GPATCH8: variants seen among roughly 807,000 people sequenced by gnomAD.
GPATCH8 encodes G-patch domain containing 8, also known as G patch domain-containing protein 8.
GPATCH8 carries 18 observed loss-of-function variants against 118.3 expected under a neutral mutation model. That is an observed-to-expected ratio of 0.15 (90% CI 0.11 to 0.23). The LOEUF (loss-of-function observed/expected upper bound fraction) is 0.23. GPATCH8 is among the 10% of genes least tolerant of loss of function. The pLI, the probability that GPATCH8 is intolerant of heterozygous loss-of-function variation, is 1.00. For synonymous variants in GPATCH8, 659 were observed against 684.7 expected (o/e 0.96, Z 0.59); for missense variants, 1,631 against 1,873.8 (o/e 0.87, Z 2.39).
chr17:44,498,193 A>G (rs1386917377), intron 1 of GPATCH8, among the ~76,000 whole-genome samples: 2 of 152,178 alleles, frequency 1.3e-5, no homozygotes, highest in East Asian at 1.9e-4. Context: ...ACTGTGTTAC[A>G]TGTATAGAAG....
intron 2 of GPATCH8, among the ~76,000 whole-genome samples, chr17:44,466,202 T>C (rs2051756704): frequency 6.6e-6 from 1 of 151,324 alleles, no homozygotes; most frequent in Non-Finnish European, 1.5e-5. Flanking sequence ...GAGATGAGGT[T>C]TCACTATGTT....
At position 44,396,712 on chromosome 17, in the gene GPATCH8, C is replaced by G. The variant is rs145310816; in HGVS notation, c.*856G>C. On this transcript the variant is annotated 3_prime_UTR_variant, in exon 8 of 8. Coordinates refer to ENST00000591680, the MANE Select transcript of GPATCH8 (RefSeq NM_001002909.4). The stretch of plus-strand genomic sequence containing the variant: ...ATTGCAGTATACTACAAATATGGAA[C>G]CTTTTTTATATGAGCTACAAAAAGC... 3 of 445,468 alleles carry G rather than the reference C, an allele frequency of 6.7e-6. No homozygotes were observed. Among genetic ancestry groups the G allele is most frequent in the Non-Finnish European group, 1.3e-5 (3 of 224,532 alleles). The allele number at this position is 445,468 out of a possible 1,614,324, so 27.6% of individuals were successfully genotyped here. A position where few individuals can be genotyped will look rare whatever the true frequency, so the allele number is the denominator to read the frequency against.
chr17:44,464,674 AG>A, intron 2 of GPATCH8, 130 bp from the exon 3 acceptor site: 1 of 734,276 alleles, frequency 1.4e-6, no homozygotes, highest in South Asian at 1.4e-5. Context: ...TGCTAATAAT[AG>A]GGTAAATGTG....
chr17:44,397,493 T>C lies in GPATCH8; in HGVS notation c.*75A>G. 1 of 1,020,586 alleles carries C rather than the reference T, an allele frequency of 9.8e-7. No individual in the cohort carries two copies. The highest frequency in any genetic ancestry group is 1.6e-6 in the Non-Finnish European group (1 of 644,480). 63.2% of individuals were successfully genotyped at this position (1,020,586 alleles called of 1,614,324 possible). A position where few individuals can be genotyped will look rare whatever the true frequency, so the allele number is the denominator to read the frequency against. On this transcript the variant is annotated 3_prime_UTR_variant, in exon 8 of 8. Coordinates refer to ENST00000591680, the MANE Select transcript of GPATCH8 (RefSeq NM_001002909.4). ...CCATCCCAGCTTCTACTTGCTGGTATTAATGGCTCAACACCCCCAAGGGAA... is the reference window on the plus strand; with the variant it reads ...CCATCCCAGCTTCTACTTGCTGGTACTAATGGCTCAACACCCCCAAGGGAA...
chr17:44,483,529 G>A (rs893227576), intron 1 of GPATCH8, among the ~76,000 whole-genome samples: 18 of 151,618 alleles, frequency 1.2e-4, no homozygotes, highest in Admixed American at 3.9e-4. Context: ...GATTACAGGC[G>A]TGAGCCACCG....
chr17:44,444,254 T>TA (rs11373151), intron 3 of GPATCH8, among the ~76,000 whole-genome samples: 144,429 of 145,496 alleles, frequency 0.99, 71,685 homozygotes, highest in South Asian at 1. Context: ...TACTTTCAAT[T>TA]AAAAAAAAAA....
At position 44,496,902 on chromosome 17, in the gene GPATCH8, C is replaced by T. The variant is rs116378756; in HGVS notation, c.45+6424G>A. Among the ~76,000 whole-genome samples the T allele has an allele frequency of 1.0e-3, 156 of 152,244 alleles. 1 individual carries two copies. Among genetic ancestry groups the T allele is most frequent in the African/African-American group, 3.6e-3 (150 of 41,548 alleles). Reference sequence around the variant, plus strand: ...CATTAAGCACATTTGCTTAGACCTCCAGAGTTAAATGGACAATTCACTTTT... The same window carrying T: ...CATTAAGCACATTTGCTTAGACCTCTAGAGTTAAATGGACAATTCACTTTT... On this transcript the variant is annotated intron_variant, in intron 1 of 7. Coordinates refer to ENST00000591680, the MANE Select transcript of GPATCH8 (RefSeq NM_001002909.4).
Position 44,398,240 on chromosome 17 carries a change from G to C in GPATCH8, c.3837C>G (p.Phe1279Leu), listed in dbSNP as rs775225111. ...LLPIAPDLEHFPSYAPPSGDP... is the reference protein window; with the variant it reads ...LLPIAPDLEHLPSYAPPSGDP... ...CCCCACTGGGAGGTGCATAACTGGG[G>C]AAATGCTCAAGGTCTGGTGCTATAG... is the stretch of plus-strand genomic sequence containing the variant. Residue 1279 changes from phenylalanine (F) to leucine (L), a missense_variant, in exon 8 of 8, where the codon TTC becomes TTG. Around this residue, in one of 8 missense-constraint regions of GPATCH8, gnomAD observed 922 missense variants for 879.7 expected, o/e 1.05. Transcript: ENST00000591680. 4.3e-6 allele frequency: 7 copies of C among 1,612,930 alleles called. No individual in the cohort carries two copies. Among genetic ancestry groups the C allele is most frequent in the East Asian group, 2.2e-5 (1 of 44,864 alleles).
chr17:44,414,117 G>GTATATATATGTGTATATATATATGTGTA (rs2049573279), intron 6 of GPATCH8, among the ~76,000 whole-genome samples: 1 of 138,090 alleles, frequency 7.2e-6, no homozygotes, highest in Non-Finnish European at 1.5e-5. Flanking sequence ...ATATATATAT[G>GTATATATATGTGTATATATATATGTGTA]TATATATATG....
chr17:44,424,240 C>G, intron 6 of GPATCH8, 109 bp downstream of exon 6: 1 of 797,876 alleles, frequency 1.3e-6, no homozygotes, highest in Admixed American at 1.9e-5. Flanking sequence ...TAAAGATTGG[C>G]AGACACAAGA....
At position 44,474,922 on chromosome 17, in the gene GPATCH8, A is replaced by T; in HGVS notation, c.46-19T>A. On this transcript the variant is annotated intron_variant, in intron 1 of 7. Coordinates refer to ENST00000591680, the MANE Select transcript of GPATCH8 (RefSeq NM_001002909.4). Reference sequence around the variant, plus strand: ...GATTACCCTGAAAAAAGATGATTACAGTTATTTTTCAAAAGCAGTTAAGTG... The same window carrying T: ...GATTACCCTGAAAAAAGATGATTACTGTTATTTTTCAAAAGCAGTTAAGTG... 7.7e-7 allele frequency: 1 copy of T among 1,306,758 alleles called. No individual in the cohort carries two copies. Among genetic ancestry groups the T allele is most frequent in the Non-Finnish European group, 1.1e-6 (1 of 900,840 alleles). 80.9% of individuals were successfully genotyped at this position (1,306,758 alleles called of 1,614,324 possible).
intron 7 of GPATCH8, 103 bp from the exon 8 acceptor site, chr17:44,401,556 G>T (rs2049024083): frequency 3.7e-6 from 3 of 817,054 alleles, no homozygotes. Flanking sequence ...ATTCATTATA[G>T]GTAGGTCTCA....
chr17:44,435,411 C>CATT, intron 4 of GPATCH8, among the ~76,000 whole-genome samples: 1 of 99,752 alleles, frequency 1.0e-5, no homozygotes, highest in East Asian at 3.1e-4. Flanking sequence ...TCTTTCTTTC[C>CATT]TTTTTTTTTT....
intron 3 of GPATCH8, among the ~76,000 whole-genome samples, chr17:44,456,901 T>C (rs1244485662): frequency 6.6e-6 from 1 of 152,126 alleles, no homozygotes; most frequent in Non-Finnish European, 1.5e-5. Flanking sequence ...TCTCGCTCTG[T>C]TGCCCAGGAT....
Position 44,395,354 on chromosome 17 carries a change from A to G in GPATCH8, c.*2214T>C, listed in dbSNP as rs1567911861. Reference sequence around the variant, plus strand: ...AGCATATATATCTCTATCATATGTGATAAAGTTAAATACAATCTGTTATGC... The same window carrying G: ...AGCATATATATCTCTATCATATGTGGTAAAGTTAAATACAATCTGTTATGC... On this transcript the variant is annotated 3_prime_UTR_variant, in exon 8 of 8. Coordinates refer to ENST00000591680, the MANE Select transcript of GPATCH8 (RefSeq NM_001002909.4). 4.5e-6 allele frequency: 2 copies of G among 443,566 alleles called. No homozygotes were observed. Among genetic ancestry groups the G allele is most frequent in the South Asian group, 3.2e-5 (2 of 62,086 alleles). 27.5% of individuals were successfully genotyped at this position (443,566 alleles called of 1,614,324 possible). A position where few individuals can be genotyped will look rare whatever the true frequency, so the allele number is the denominator to read the frequency against.
At position 44,396,625 on chromosome 17, in the gene GPATCH8, A is replaced by T; in HGVS notation, c.*943T>A. ...AGAGTTTCTTAATTCAACTAGGGCA[A>T]ACATATTTACACAAAGCCACCAGAA... On this transcript the variant is annotated 3_prime_UTR_variant, in exon 8 of 8. Coordinates refer to ENST00000591680, the MANE Select transcript of GPATCH8 (RefSeq NM_001002909.4). 1 of 445,142 alleles carries T rather than the reference A, an allele frequency of 2.2e-6. No homozygotes were observed. The highest frequency in any genetic ancestry group is 1.6e-5 in the South Asian group (1 of 61,448). The allele number at this position is 445,142 out of a possible 1,614,324, so 27.6% of individuals were successfully genotyped here. A position where few individuals can be genotyped will look rare whatever the true frequency, so the allele number is the denominator to read the frequency against.
chr17:44,483,860 G>C (rs531479105), intron 1 of GPATCH8, among the ~76,000 whole-genome samples: 1 of 132,382 alleles, frequency 7.6e-6, no homozygotes, highest in Non-Finnish European at 1.7e-5. Flanking sequence ...TTGTTGTTTT[G>C]AGACAGAGTC....
chr17:44,451,092 A>C (rs1366787626), intron 3 of GPATCH8, among the ~76,000 whole-genome samples: 1 of 152,118 alleles, frequency 6.6e-6, no homozygotes, highest in Non-Finnish European at 1.5e-5. Context: ...ACTCTTAAAG[A>C]CTTAGTACAG....
At chr17:44,458,625 G>A (rs1396598749) in intron 3 of GPATCH8, among the ~76,000 whole-genome samples, 2 of 152,054 alleles carry the variant, frequency 1.3e-5, no homozygotes, top group African/African-American at 4.8e-5. Context: ...GGAGTCAAGG[G>A]ATCCTCCTGC....
Sources: allele counts gnomAD v4.1 joint callset (sites outside exome capture counted in the v4.1 genomes callset), GRCh38; gene constraint gnomAD v4.1.1; regional missense constraint gnomAD v4.1.1; transcripts MANE v1.5; gene names NCBI Gene and HGNC (gene_info 2026-07-23, HGNC 2026-07-21).